The following MAGI1 variants were observed in gnomAD, a reference collection of about 807,000 sequenced individuals.
The protein encoded by MAGI1 is membrane-associated guanylate kinase, WW and PDZ domain-containing protein 1.
Under a neutral mutation model 139.9 loss-of-function variants are expected in MAGI1, and 58 were observed. The ratio of observed to expected loss-of-function variants is 0.41; its 90% CI spans 0.34 to 0.52. MAGI1 has a LOEUF of 0.52. Among genes scored for constraint, MAGI1 ranks in the 20% least tolerant of loss-of-function variants. MAGI1 has a pLI of 0.12. For missense variants in MAGI1, 1,874 were observed against 1,901.6 expected (o/e 0.99, Z 0.27); for synonymous variants, 812 against 737.9 (o/e 1.10, Z -1.63).
chr3:65,730,079 T>C (rs1164043500), intron 1 of MAGI1, among the ~76,000 whole-genome samples: 1 of 152,206 alleles, frequency 6.6e-6, no homozygotes. Context: ...AAAGAAAATA[T>C]TTATGAAGAG....
chr3:65,580,204 T>G (rs1400086376), intron 2 of MAGI1, among the ~76,000 whole-genome samples: 1 of 152,214 alleles, frequency 6.6e-6, no homozygotes, highest in Non-Finnish European at 1.5e-5. Flanking sequence ...ATAACAACTG[T>G]TAGCACTTTC....
intron 1 of MAGI1, among the ~76,000 whole-genome samples, chr3:65,841,821 T>C (rs2058817481): frequency 6.6e-6 from 1 of 152,148 alleles, no homozygotes; most frequent in South Asian, 2.1e-4. Flanking sequence ...CCTAACTGTA[T>C]ATTCACATTC....
intron 2 of MAGI1, among the ~76,000 whole-genome samples, chr3:65,595,945 G>C (rs923656096): frequency 6.6e-6 from 1 of 152,132 alleles, no homozygotes; most frequent in Non-Finnish European, 1.5e-5. Context: ...GCTTCTGTTT[G>C]CTCAGTTGAG....
At chr3:65,812,439 CTCTCTT>C (rs2041303338) in intron 1 of MAGI1, among the ~76,000 whole-genome samples, 2 of 136,026 alleles carry the variant, frequency 1.5e-5, no homozygotes, top group African/African-American at 6.1e-5. Flanking sequence ...AAATCTCTCT[CTCTCTT>C]TCTCTCTCTC....
At chr3:65,898,129 T>A (rs1185971947) in intron 1 of MAGI1, among the ~76,000 whole-genome samples, 1 of 152,220 alleles carries the variant, frequency 6.6e-6, no homozygotes, top group African/African-American at 2.4e-5. Flanking sequence ...GAGAGTTTGA[T>A]ATACGATTTG....
chr3:65,560,850 A>G (rs1273703076), intron 2 of MAGI1, among the ~76,000 whole-genome samples: 1 of 152,252 alleles, frequency 6.6e-6, no homozygotes, highest in African/African-American at 2.4e-5. Context: ...TGATTAGTCC[A>G]GATGGGAACT....
chr3:65,530,930 T>C (rs759017728), intron 2 of MAGI1, among the ~76,000 whole-genome samples: 1 of 149,510 alleles, frequency 6.7e-6, no homozygotes, highest in Non-Finnish European at 1.5e-5. Context: ...GGAATCCGCA[T>C]TGGCTCTGTT....
In MAGI1 at chr3:65,394,692, T is replaced by TA. The variant is rs55983734; in HGVS notation, c.2200-3335dup. ...GGGGAGTTCAAAGTAATTTTTTTTT[T>TA]ATTTTCTGTTAGCATTCTAATTAGC... On this transcript the variant is annotated intron_variant, in intron 13 of 22. Coordinates refer to ENST00000402939, the MANE Select transcript of MAGI1 (RefSeq NM_001033057.2). 3.3e-5 allele frequency among the ~76,000 whole-genome samples: 5 copies of TA among 151,948 alleles called. No individual in the cohort carries two copies. In the East Asian group the frequency reaches 5.8e-4, roughly 18 times the overall value.
At chr3:65,434,261 T>C (rs1478331334) in intron 10 of MAGI1, among the ~76,000 whole-genome samples, 1 of 152,122 alleles carries the variant, frequency 6.6e-6, no homozygotes, top group Non-Finnish European at 1.5e-5. Context: ...CACATGATAG[T>C]TGTGAGAAAC....
At chr3:65,935,538 C>G (rs1432725339) in intron 1 of MAGI1, among the ~76,000 whole-genome samples, 4 of 152,172 alleles carry the variant, frequency 2.6e-5, no homozygotes, top group Non-Finnish European at 5.9e-5. Flanking sequence ...GGAAGGATCG[C>G]TTGAGCCCAG....
At chr3:65,711,288 A>G (rs932902253) in intron 1 of MAGI1, among the ~76,000 whole-genome samples, 2 of 152,206 alleles carry the variant, frequency 1.3e-5, no homozygotes, top group African/African-American at 4.8e-5. Context: ...ATAGAGAAGG[A>G]CATTCAGAGG....
chr3:65,358,228 T>C (rs910716602), intron 22 of MAGI1, among the ~76,000 whole-genome samples: 6 of 152,108 alleles, frequency 3.9e-5, no homozygotes, highest in Non-Finnish European at 8.8e-5. Context: ...GGAGAGCTCT[T>C]TTCAAAGCTA....
chr3:65,433,937 A>G (rs1947649812), intron 10 of MAGI1, among the ~76,000 whole-genome samples: 1 of 152,112 alleles, frequency 6.6e-6, no homozygotes. Flanking sequence ...GTAGCCACTG[A>G]GCCCTTGAAA....
At chr3:65,765,707 A>G (rs2037412136) in intron 1 of MAGI1, among the ~76,000 whole-genome samples, 1 of 152,202 alleles carries the variant, frequency 6.6e-6, no homozygotes, top group Non-Finnish European at 1.5e-5. Flanking sequence ...AAAGAACTTA[A>G]TCACTGGCTG....
intron 1 of MAGI1, among the ~76,000 whole-genome samples, chr3:65,717,147 G>C (rs997276016): frequency 3.9e-5 from 6 of 152,170 alleles, no homozygotes; most frequent in African/African-American, 1.4e-4. Context: ...AAATATATAT[G>C]ATAACAGAAG....
intron 1 of MAGI1, among the ~76,000 whole-genome samples, chr3:65,851,120 T>A (rs1421147464): frequency 1.3e-5 from 2 of 151,736 alleles, no homozygotes; most frequent in African/African-American, 4.8e-5. Flanking sequence ...AAAAAAAAAA[T>A]GCCTCATTAG....
chr3:66,013,687 G>C (rs2067465584), intron 1 of MAGI1, among the ~76,000 whole-genome samples: 1 of 151,266 alleles, frequency 6.6e-6, no homozygotes, highest in Non-Finnish European at 1.5e-5. Flanking sequence ...CTTGAACCCA[G>C]GACGTGAGGC....
At chr3:65,574,564 C>G (rs887746119) in intron 2 of MAGI1, among the ~76,000 whole-genome samples, 5 of 151,764 alleles carry the variant, frequency 3.3e-5, no homozygotes, top group Non-Finnish European at 7.4e-5. Context: ...CAACGCAATC[C>G]CAACCAAAAT....
intron 1 of MAGI1, among the ~76,000 whole-genome samples, chr3:65,825,435 G>T (rs1024572980): frequency 6.6e-6 from 1 of 152,122 alleles, no homozygotes; most frequent in African/African-American, 2.4e-5. Context: ...CTTCATATTG[G>T]TAGTCTGAAA....
Sources: allele counts gnomAD v4.1 joint callset (sites outside exome capture counted in the v4.1 genomes callset), GRCh38; gene constraint gnomAD v4.1.1; transcripts MANE v1.5; gene names NCBI Gene and HGNC (gene_info 2026-07-23, HGNC 2026-07-21).